NKTR: variants seen among roughly 807,000 people sequenced by gnomAD.
NKTR encodes NK-tumor recognition protein.
A neutral mutation model predicts 156.3 loss-of-function variants in NKTR; 67 were observed. The ratio of observed to expected loss-of-function variants is 0.43; its 90% CI spans 0.35 to 0.53. NKTR has a LOEUF of 0.53. Ranked by LOEUF, NKTR falls within the 20% of genes least tolerant of loss-of-function variation. NKTR has a pLI of 0.01. For missense variants in NKTR, 1,604 were observed against 1,730.9 expected (o/e 0.93, Z 1.30); for synonymous variants, 640 against 596.6 (o/e 1.07, Z -1.06).
At chr3:42,628,033 G>A (rs375529811) in intron 6 of NKTR, 34 of 985,236 alleles carry the variant, frequency 3.5e-5, no homozygotes, top group Middle Eastern at 5.2e-4. Flanking sequence ...GTTCATCCAC[G>A]TATTAGCCAA....
Position 42,638,301 on chromosome 3 carries a change from C to G in NKTR, c.2597C>G (p.Ser866Cys). ...SKKRTLKENL[S>C]DHLRNGSKPK... ...AAAAGAACTTTGAAAGAGAATCTTT[C>G]TGATCACCTTAGAAATGGCAGTAAG... Residue 866 changes from serine to cysteine, a missense_variant, in exon 13 of 17, where the codon TCT becomes TGT. Ser to Cys is a moderately radical substitution (Grantham distance 112). Transcript: ENST00000232978. The G allele has an allele frequency of 6.2e-7, 1 of 1,607,118 alleles. No individual in the cohort carries two copies.
chr3:42,608,290 G>C lies in NKTR; in HGVS notation c.58+7226G>C, dbSNP rs148236311. Among the ~76,000 whole-genome samples the C allele has an allele frequency of 4.6e-5, 7 of 152,052 alleles. No individual in the cohort carries two copies. The East Asian group carries it at 1.2e-3, about 25-fold the overall frequency. ...TGGCTTCTGAGTCACTCTTACTTCTGACCAACCAGCTGTAAATTAGGGATT... is the reference window on the plus strand; with the variant it reads ...TGGCTTCTGAGTCACTCTTACTTCTCACCAACCAGCTGTAAATTAGGGATT... On this transcript the variant is annotated intron_variant, in intron 2 of 16. Coordinates refer to ENST00000232978, the MANE Select transcript of NKTR (RefSeq NM_005385.4).
chr3:42,628,225 A>T (rs747019487), intron 6 of NKTR: 27 of 985,340 alleles, frequency 2.7e-5, no homozygotes, highest in Non-Finnish European at 3.3e-5. Context: ...TTAATCATTC[A>T]TATCAGGTTT....
Position 42,634,605 on chromosome 3 carries a change from T to G in NKTR, c.930-8T>G. On this transcript the variant is annotated splice_region_variant and splice_polypyrimidine_tract_variant and intron_variant, in intron 10 of 16. Coordinates refer to ENST00000232978, the MANE Select transcript of NKTR (RefSeq NM_005385.4). ...TTTTTAATTTTCATCACAATCTTCT[T>G]TTCCTAGGAAGATTCCTGATGTTGC... The G allele has an allele frequency of 6.7e-7, 1 of 1,496,952 alleles. No homozygotes were observed. Among genetic ancestry groups the G allele is most frequent in the Non-Finnish European group, 9.1e-7 (1 of 1,100,328 alleles). The allele number at this position is 1,496,952 out of a possible 1,614,324, so 92.7% of individuals were successfully genotyped here.
At chr3:42,620,269 C>G in intron 5 of NKTR, 8 of 1,238,038 alleles carry the variant, frequency 6.5e-6, no homozygotes, top group Non-Finnish European at 8.1e-6. Flanking sequence ...GGTTTTTTTT[C>G]CCCTAAACCA....
At chr3:42,626,214 CATT>C (rs1708374284) in intron 6 of NKTR, among the ~76,000 whole-genome samples, 1 of 150,774 alleles carries the variant, frequency 6.6e-6, no homozygotes, top group Non-Finnish European at 1.5e-5. Context: ...TTATTTCAAA[CATT>C]ATGTTCTTTT....
rs976117545 is a variant in NKTR, at chr3:42,637,510, A to G, written c.1806A>G (p.Ala602=). The change falls in exon 13 of 17, where the codon GCA becomes GCG. Residue 602 remains alanine (A), a synonymous_variant. Coordinates refer to ENST00000232978, the MANE Select transcript of NKTR (RefSeq NM_005385.4). ...ATGTAGTAGTACAACCAGTTGTAGC[A>G]GAAAATATTCCTGTAATACCACTGA... The part of the protein sequence containing the change: ...NENVVVQPVV[A]ENIPVIPLSD... 1.9e-6 allele frequency: 3 copies of G among 1,613,988 alleles called. No individual in the cohort carries two copies. The highest frequency in any genetic ancestry group is 2.5e-6 in the Non-Finnish European group (3 of 1,180,020).
rs376762349 is a variant in NKTR at position 42,647,267 on chromosome 3, A to AT, written c.*1292_*1293insT. 9.7e-6 allele frequency: 1 copy of AT among 102,974 alleles called. No individual in the cohort carries two copies. Among genetic ancestry groups the AT allele is most frequent in the African/African-American group, 4.2e-5 (1 of 23,684 alleles). 6.4% of individuals were successfully genotyped at this position (102,974 alleles called of 1,614,324 possible). ...AAAAATAATTGGACCTGTAAAAACTAGTGTGTGTGTGTGTGTGTGTGTGTG... is the reference window on the plus strand; with the variant it reads ...AAAAATAATTGGACCTGTAAAAACTATGTGTGTGTGTGTGTGTGTGTGTGTG... On this transcript the variant is annotated 3_prime_UTR_variant, in exon 17 of 17. Coordinates refer to ENST00000232978, the MANE Select transcript of NKTR (RefSeq NM_005385.4).
chr3:42,633,382 A>G, intron 9 of NKTR, 198 bp from the exon 10 acceptor site: 1 of 1,361,068 alleles, frequency 7.3e-7, no homozygotes, highest in Non-Finnish European at 9.4e-7. Flanking sequence ...ATCATTTAAC[A>G]ATTTTCCTAT....
intron 5 of NKTR, chr3:42,620,616 T>C (rs1707820819): frequency 1.0e-6 from 1 of 983,680 alleles, no homozygotes; most frequent in Non-Finnish European, 1.2e-6. Context: ...TGAAGAAGAT[T>C]TGTTTGTATG....
rs1395154796 is a variant in NKTR at position 42,629,902 on chromosome 3, A to G, written c.375-644A>G. ...ATTTAAAATGTCTGCAATGTTATCCATCATTACTTTTTGCTGTCAGAAGGG... is the reference window on the plus strand; with the variant it reads ...ATTTAAAATGTCTGCAATGTTATCCGTCATTACTTTTTGCTGTCAGAAGGG... On this transcript the variant is annotated intron_variant, in intron 6 of 16. Coordinates refer to ENST00000232978, the MANE Select transcript of NKTR (RefSeq NM_005385.4). 10 of 985,350 alleles carry G rather than the reference A, an allele frequency of 1.0e-5. No homozygotes were observed. The East Asian group carries it at 3.4e-4, about 33-fold the overall frequency. 61.0% of individuals were successfully genotyped at this position (985,350 alleles called of 1,614,324 possible).
At chr3:42,604,434 A>G (rs1252195075) in intron 2 of NKTR, among the ~76,000 whole-genome samples, 1 of 151,702 alleles carries the variant, frequency 6.6e-6, no homozygotes. Context: ...TTATGGCTAG[A>G]GAACACACAT....
Position 42,637,250 on chromosome 3 carries a change from A to G in NKTR, c.1546A>G (p.Arg516Gly). ...CCAGAGCTCTTTAACCCATTCCAGC[A>G]GAGACTCATACAGATCAAAATCTCA... ...DVQSSLTHSS[R>G]DSYRSKSHSQ... is the part of the protein sequence containing the mutation. Residue 516 changes from arginine (R) to glycine (G), a missense_variant, in exon 13 of 17, where the codon AGA (arginine) becomes GGA (glycine). By Grantham distance (125) the Arg-to-Gly change is moderately radical (BLOSUM62 -2). Transcript: ENST00000232978. 6.2e-7 allele frequency: 1 copy of G among 1,612,460 alleles called. No individual in the cohort carries two copies. The highest frequency in any genetic ancestry group is 1.1e-5 in the South Asian group (1 of 90,678).
rs377092572 is a variant in NKTR at position 42,632,737 on chromosome 3, G to C, written c.687G>C (p.Arg229Ser). ...ERSRRRKHKR[R>S]PKVKRSKKRR... ...GCAGAAGGAGGAAACATAAGAGGAG[G>C]CCAAAAGTTAAACGTTCTAAAAAGA... The change falls in exon 9 of 17, where the codon AGG (arginine) becomes AGC (serine). Residue 229 changes from arginine to serine, a missense_variant. Transcript: ENST00000232978. The C allele has an allele frequency of 3.1e-6, 5 of 1,612,988 alleles. No homozygotes were observed. The highest frequency in any genetic ancestry group is 1.3e-5 in the African/African-American group (1 of 74,880).
chr3:42,632,798 A>C lies in NKTR; in HGVS notation c.748A>C (p.Asn250His). The C allele has an allele frequency of 6.2e-7, 1 of 1,602,706 alleles. No individual in the cohort carries two copies. Among genetic ancestry groups the C allele is most frequent in the Non-Finnish European group, 8.5e-7 (1 of 1,175,796 alleles). ...KEASSSEEPRNKHAMNPKGHS... is the reference protein window; with the variant it reads ...KEASSSEEPRHKHAMNPKGHS... Reference sequence around the variant, plus strand: ...AGCAAGCAGTTCAGAAGAGCCAAGGAATAAACATGCAATGAACCCAAAAGG... The same window carrying C: ...AGCAAGCAGTTCAGAAGAGCCAAGGCATAAACATGCAATGAACCCAAAAGG... Residue 250 changes from asparagine to histidine, a missense_variant, in exon 9 of 17, where the codon AAT becomes CAT. Coordinates refer to ENST00000232978, the MANE Select transcript of NKTR (RefSeq NM_005385.4).
At chr3:42,628,608 A>G (rs1454755916) in intron 6 of NKTR, 3 of 985,414 alleles carry the variant, frequency 3.0e-6, no homozygotes, top group Non-Finnish European at 3.6e-6. Flanking sequence ...GAACGGATCA[A>G]AGAAGGAGAA....
chr3:42,627,976 A>G, intron 6 of NKTR: 16 of 985,328 alleles, frequency 1.6e-5, no homozygotes, highest in Non-Finnish European at 1.9e-5. Context: ...GATTGTGGAT[A>G]TTATTTCTCT....
chr3:42,635,473 C>A, intron 12 of NKTR, 107 bp downstream of exon 12: 1 of 862,278 alleles, frequency 1.2e-6, no homozygotes, highest in Non-Finnish European at 1.7e-6. Flanking sequence ...GAAAGATTCA[C>A]AGTCAGACTG....
chr3:42,634,379 A>G (rs1709194853), intron 10 of NKTR, among the ~76,000 whole-genome samples: 1 of 152,218 alleles, frequency 6.6e-6, no homozygotes, highest in South Asian at 2.1e-4. Flanking sequence ...CCCTATGAAG[A>G]GTTATTTTGA....
Sources: allele counts gnomAD v4.1 joint callset (sites outside exome capture counted in the v4.1 genomes callset), GRCh38; gene constraint gnomAD v4.1.1; transcripts MANE v1.5; gene names NCBI Gene and HGNC (gene_info 2026-07-23, HGNC 2026-07-21).